The following CTNND2 variants were observed in gnomAD, a reference collection of about 807,000 sequenced individuals.
The protein encoded by CTNND2 is catenin delta 2, also known as catenin delta-2.
CTNND2 carries 22 observed loss-of-function variants against 144.4 expected under a neutral mutation model. The observed-to-expected ratio is 0.15, with a 90% CI of 0.11 to 0.22. The LOEUF is 0.22. CTNND2 is among the 10% of genes least tolerant of loss of function. The probability of loss-of-function intolerance (pLI) is 1.00; values close to 1 mark genes in which losing one functional copy is unlikely to be tolerated. For synonymous variants in CTNND2, 751 were observed against 695.6 expected, an observed-to-expected ratio of 1.08 and a Z score of -1.25; for missense variants, 1,353 against 1,618.8, an observed-to-expected ratio of 0.84 and a Z score of 2.82.
chr5:11,854,669 G>A (rs1795170983), intron 1 of CTNND2, among the ~76,000 whole-genome samples: 1 of 152,170 alleles, frequency 6.6e-6, no homozygotes, highest in East Asian at 1.9e-4. Context: ...GCTTACAGAA[G>A]GTATATATTC....
At chr5:11,127,598 T>C (rs1009403109) in intron 12 of CTNND2, among the ~76,000 whole-genome samples, 4 of 152,130 alleles carry the variant, frequency 2.6e-5, no homozygotes, top group Non-Finnish European at 4.4e-5. Context: ...CTGGGCTGGG[T>C]TTCCAGGCTG....
chr5:11,067,775 A>G (rs570139766), intron 16 of CTNND2, among the ~76,000 whole-genome samples: 6 of 152,326 alleles, frequency 3.9e-5, no homozygotes, highest in African/African-American at 1.2e-4. Context: ...CATCCTCTTG[A>G]TTAAATTGGT....
chr5:11,575,226 T>C (rs567905561), intron 2 of CTNND2, among the ~76,000 whole-genome samples: 10 of 152,306 alleles, frequency 6.6e-5, no homozygotes, highest in Middle Eastern at 3.4e-3. Flanking sequence ...TATCACCTTC[T>C]TCTCATCTAC....
chr5:11,063,684 GT>G (rs1218979916), intron 16 of CTNND2, among the ~76,000 whole-genome samples: 3 of 152,038 alleles, frequency 2.0e-5, no homozygotes, highest in Non-Finnish European at 4.4e-5. Flanking sequence ...CTAAACCACT[GT>G]GGTATCCAGA....
intron 6 of CTNND2, among the ~76,000 whole-genome samples, chr5:11,392,689 A>G (rs1209067026): frequency 1.3e-5 from 2 of 152,210 alleles, no homozygotes; most frequent in Non-Finnish European, 2.9e-5. Context: ...GTCATCCTAA[A>G]ACTATCTTAA....
At chr5:11,239,779 A>G (rs1742021748) in intron 9 of CTNND2, among the ~76,000 whole-genome samples, 1 of 152,178 alleles carries the variant, frequency 6.6e-6, no homozygotes, top group Admixed American at 6.5e-5. Context: ...GCGGGGCCTC[A>G]GGCTCTTTAC....
At chr5:11,616,258 C>G (rs747794180) in intron 2 of CTNND2, among the ~76,000 whole-genome samples, 4 of 152,118 alleles carry the variant, frequency 2.6e-5, no homozygotes, top group Non-Finnish European at 5.9e-5. Context: ...TCTTTTTTGT[C>G]AAGGCATGAT....
chr5:11,718,584 C>T (rs1786484385), intron 2 of CTNND2, among the ~76,000 whole-genome samples: 1 of 151,526 alleles, frequency 6.6e-6, no homozygotes, highest in Non-Finnish European at 1.5e-5. Context: ...CAAAAATGAC[C>T]TGATTATCAA....
chr5:11,207,047 T>C (rs149186219), intron 10 of CTNND2, among the ~76,000 whole-genome samples: 4 of 152,348 alleles, frequency 2.6e-5, no homozygotes, highest in African/African-American at 9.6e-5. Context: ...CATGGACTAC[T>C]ATGCAGCCAT....
intron 12 of CTNND2, among the ~76,000 whole-genome samples, chr5:11,153,916 G>A (rs181285443): frequency 6.6e-6 from 1 of 152,164 alleles, no homozygotes; most frequent in Non-Finnish European, 1.5e-5. Context: ...GACTATACAG[G>A]AGTGCAGATC....
At chr5:11,166,553 A>T (rs955057509) in intron 11 of CTNND2, among the ~76,000 whole-genome samples, 4 of 151,648 alleles carry the variant, frequency 2.6e-5, no homozygotes, top group Admixed American at 6.6e-5. Flanking sequence ...GGCCAAAAAA[A>T]GTTCATTTTT....
At chr5:11,296,432 T>C (rs1428654547) in intron 9 of CTNND2, among the ~76,000 whole-genome samples, 1 of 152,214 alleles carries the variant, frequency 6.6e-6, no homozygotes, top group African/African-American at 2.4e-5. Flanking sequence ...CGGCAATTCC[T>C]CAGTGATCTA....
intron 7 of CTNND2, among the ~76,000 whole-genome samples, chr5:11,367,140 A>C (rs1361040333): frequency 6.6e-6 from 1 of 152,270 alleles, no homozygotes; most frequent in East Asian, 1.9e-4. Flanking sequence ...TGCAAAATAC[A>C]GTTGCATATG....
intron 5 of CTNND2, among the ~76,000 whole-genome samples, chr5:11,397,446 T>A (rs1760252178): frequency 1.3e-5 from 2 of 152,160 alleles, no homozygotes; most frequent in African/African-American, 4.8e-5. Context: ...TTTCAAATGA[T>A]CTCATCCTGA....
intron 2 of CTNND2, among the ~76,000 whole-genome samples, chr5:11,611,417 T>C (rs940132882): frequency 1.3e-5 from 2 of 152,214 alleles, no homozygotes; most frequent in Middle Eastern, 3.2e-3. Context: ...GATTTAAGAC[T>C]ATCATGGTTT....
At chr5:11,540,005 G>T (rs1774584462) in intron 3 of CTNND2, among the ~76,000 whole-genome samples, 1 of 152,134 alleles carries the variant, frequency 6.6e-6, no homozygotes, top group Non-Finnish European at 1.5e-5. Context: ...CTGCACTCCA[G>T]CCTGGGCAAC....
intron 9 of CTNND2, among the ~76,000 whole-genome samples, chr5:11,317,209 G>T (rs1030726964): frequency 3.3e-5 from 5 of 152,152 alleles, no homozygotes; most frequent in Admixed American, 2.0e-4. Context: ...GGCTCAATGA[G>T]ATTTGTTACC....
At chr5:11,720,362 T>TAA (rs1384736711) in intron 2 of CTNND2, among the ~76,000 whole-genome samples, 2 of 152,206 alleles carry the variant, frequency 1.3e-5, no homozygotes, top group African/African-American at 2.4e-5. Flanking sequence ...CTTTCAGGCT[T>TAA]AAAGTTCCTC....
chr5:11,531,309 G>T (rs1439644947), intron 3 of CTNND2, among the ~76,000 whole-genome samples: 1 of 152,064 alleles, frequency 6.6e-6, no homozygotes, highest in African/African-American at 2.4e-5. Flanking sequence ...AGGGAAACAC[G>T]GCCCCCCACA....
Sources: allele counts gnomAD v4.1 joint callset (sites outside exome capture counted in the v4.1 genomes callset), GRCh38; gene constraint gnomAD v4.1.1; transcripts MANE v1.5; gene names NCBI Gene and HGNC (gene_info 2026-07-23, HGNC 2026-07-21).